Variants in NPM2 observed in about 807,000 individuals in gnomAD.
NPM2 encodes the protein nucleophosmin/nucleoplasmin 2.
Under a neutral mutation model 32.0 loss-of-function variants are expected in NPM2, and 25 were observed. The observed-to-expected ratio is 0.78, with a 90% CI of 0.57 to 1.09. NPM2 has a LOEUF of 1.09. NPM2 is among the 50% of genes least tolerant of loss of function. The probability of loss-of-function intolerance (pLI) is 0.00; values close to 1 mark genes in which losing one functional copy is unlikely to be tolerated. For synonymous variants in NPM2, 111 were observed against 94.2 expected (o/e 1.18, Z -1.04); for missense variants, 282 against 259.9 (o/e 1.08, Z -0.58).
intron 5 of NPM2, among the ~76,000 whole-genome samples, chr8:22,032,656 G>T (rs1800477041): frequency 6.6e-6 from 1 of 152,186 alleles, no homozygotes; most frequent in Non-Finnish European, 1.5e-5. Context: ...CTCTCCCTGA[G>T]TTGCAGACGG....
At chr8:22,036,297 A>G in intron 8 of NPM2, 196 bp from the exon 9 acceptor site, 1 of 547,928 alleles carries the variant, frequency 1.8e-6, no homozygotes, top group South Asian at 2.7e-5. Context: ...ATGAAGATGG[A>G]AGCCTAAGGA....
At chr8:22,025,041 C>A (rs956871647) in intron 2 of NPM2, 175 bp from the exon 3 acceptor site, 2 of 569,400 alleles carry the variant, frequency 3.5e-6, no homozygotes, top group African/African-American at 1.9e-5. Flanking sequence ...CTGCGCACCC[C>A]GCTAGGAGGT....
At chr8:22,029,649 A>G (rs1457096089) in intron 5 of NPM2, among the ~76,000 whole-genome samples, 2 of 152,172 alleles carry the variant, frequency 1.3e-5, no homozygotes, top group Non-Finnish European at 2.9e-5. Context: ...CTTTTTAGCA[A>G]CATACTTTAG....
chr8:22,032,212 T>C (rs1800464570), intron 5 of NPM2, among the ~76,000 whole-genome samples: 4 of 152,178 alleles, frequency 2.6e-5, no homozygotes, highest in Admixed American at 2.6e-4. Flanking sequence ...TCGAGAAAAT[T>C]TGGGAAGTTT....
intron 5 of NPM2, among the ~76,000 whole-genome samples, chr8:22,028,498 T>TC (rs1800331290): frequency 6.7e-6 from 1 of 150,256 alleles, no homozygotes; most frequent in Non-Finnish European, 1.5e-5. Flanking sequence ...TTTTTTTTTT[T>TC]TTGTAATTTT....
chr8:22,032,534 A>C (rs543113043), intron 5 of NPM2, among the ~76,000 whole-genome samples: 1 of 152,186 alleles, frequency 6.6e-6, no homozygotes, highest in African/African-American at 2.4e-5. Context: ...CCAAGTTGCT[A>C]TAACAAAATA....
At chr8:22,032,096 AC>A (rs1195751073) in intron 5 of NPM2, among the ~76,000 whole-genome samples, 1 of 152,210 alleles carries the variant, frequency 6.6e-6, no homozygotes, top group Non-Finnish European at 1.5e-5. Context: ...ATCAGTACTT[AC>A]ATCATGGGTT....
At chr8:22,027,228 C>T (rs1468640052) in intron 5 of NPM2, among the ~76,000 whole-genome samples, 5 of 152,176 alleles carry the variant, frequency 3.3e-5, no homozygotes, top group African/African-American at 1.2e-4. Context: ...GGAGGGTTCT[C>T]TCCTATTCCC....
intron 7 of NPM2, 111 bp from the exon 8 acceptor site, chr8:22,034,399 C>T (rs1800549329): frequency 7.3e-7 from 1 of 1,364,300 alleles, no homozygotes; most frequent in Non-Finnish European, 1.0e-6. Flanking sequence ...GCCAAGGCCA[C>T]CTCAGCTAGT....
chr8:22,029,392 C>T (rs1223921095), intron 5 of NPM2, among the ~76,000 whole-genome samples: 1 of 152,174 alleles, frequency 6.6e-6, no homozygotes, highest in Non-Finnish European at 1.5e-5. Flanking sequence ...GATCCTCCTG[C>T]CTTGGCCTCC....
Position 22,036,849 on chromosome 8 carries a change from C to T in NPM2, c.*167C>T. On this transcript the variant is annotated 3_prime_UTR_variant, in exon 10 of 10. Transcript: ENST00000518119. ...CCAACTCTCCACTTTCAGGAGGCCCCCAGTGAAGAGCCCCACCTCGGGGTC... is the reference window on the plus strand; with the variant it reads ...CCAACTCTCCACTTTCAGGAGGCCCTCAGTGAAGAGCCCCACCTCGGGGTC... 3.1e-6 allele frequency: 2 copies of T among 651,350 alleles called. No homozygotes were observed. Among genetic ancestry groups the T allele is most frequent in the Non-Finnish European group, 5.0e-6 (2 of 397,058 alleles). 40.3% of individuals were successfully genotyped at this position (651,350 alleles called of 1,614,324 possible).
At chr8:22,032,055 C>A (rs1800460090) in intron 5 of NPM2, among the ~76,000 whole-genome samples, 1 of 152,152 alleles carries the variant, frequency 6.6e-6, no homozygotes, top group African/African-American at 2.4e-5. Context: ...AAGTTATTCA[C>A]TCTAAGTCTC....
intron 5 of NPM2, among the ~76,000 whole-genome samples, chr8:22,032,133 G>C (rs994109538): frequency 2.0e-5 from 3 of 152,206 alleles, no homozygotes; most frequent in African/African-American, 7.2e-5. Context: ...ATGAGATAAA[G>C]CAGATAAAAT....
intron 3 of NPM2, 23 bp from the exon 4 acceptor site, chr8:22,025,412 CT>C: frequency 6.2e-7 from 1 of 1,611,164 alleles, no homozygotes; most frequent in South Asian, 1.1e-5. Flanking sequence ...GAGGGCCCCA[CT>C]TCCCTCCCTT....
At position 22,025,627 on chromosome 8, in the gene NPM2, C is replaced by A; in HGVS notation, c.145-20C>A. The A allele has an allele frequency of 6.2e-7, 1 of 1,614,108 alleles. No homozygotes were observed. The highest frequency in any genetic ancestry group is 8.5e-7 in the Non-Finnish European group (1 of 1,180,026). On this transcript the variant is annotated intron_variant, in intron 4 of 9. Transcript: ENST00000518119. ...CGGCCCTCAGGGTGATGAGGGGCCT[C>A]TATTTTCAACCCCGCTCAGATTTGC... is the stretch of plus-strand genomic sequence containing the variant.
chr8:22,025,674 G>A lies in NPM2; in HGVS notation c.172G>A (p.Glu58Lys), dbSNP rs1212016818. 1 of 1,614,196 alleles carries A rather than the reference G, an allele frequency of 6.2e-7. No homozygotes were observed. The highest frequency in any genetic ancestry group is 1.1e-5 in the South Asian group (1 of 91,088). Reference sequence around the variant, plus strand: ...TTGCTTGGGGGAGAAAGCCAAAGAGGAGATGCATCGCGTGGAGATCCTGCC... The same window carrying A: ...TTGCTTGGGGGAGAAAGCCAAAGAGAAGATGCATCGCGTGGAGATCCTGCC... ...TICLGEKAKEEMHRVEILPPA... is the reference protein window; with the variant it reads ...TICLGEKAKEKMHRVEILPPA... The change falls in exon 5 of 10, where the codon GAG (glutamate) becomes AAG (lysine). Residue 58 changes from glutamate to lysine, a missense_variant. By Grantham distance (56) the Glu-to-Lys change is moderately conservative (BLOSUM62 1). Transcript: ENST00000518119.
chr8:22,032,162 C>T (rs528495848), intron 5 of NPM2, among the ~76,000 whole-genome samples: 2 of 152,326 alleles, frequency 1.3e-5, no homozygotes, highest in Non-Finnish European at 2.9e-5. Context: ...GGGTGCCTGA[C>T]ACGTGGCAGA....
intron 5 of NPM2, among the ~76,000 whole-genome samples, chr8:22,031,242 C>G (rs1341772941): frequency 1.3e-5 from 2 of 152,070 alleles, no homozygotes; most frequent in Non-Finnish European, 2.9e-5. Context: ...TTAATGGTGG[C>G]TAGGGTTTTG....
rs1033579328 is a variant in NPM2, at chr8:22,036,302, T to A, written c.567-191T>A. 9.0e-6 allele frequency: 5 copies of A among 554,098 alleles called. No homozygotes were observed. The African/African-American group carries it at 9.6e-5, about 11-fold the overall frequency. 34.3% of individuals were successfully genotyped at this position (554,098 alleles called of 1,614,324 possible). A position where few individuals can be genotyped will look rare whatever the true frequency, so the allele number is the denominator to read the frequency against. ...TGATAACTAAATGAAGATGGAAGCC[T>A]AAGGAAAACACATATGCGTATGCAT... On this transcript the variant is annotated intron_variant, in intron 8 of 9. Transcript: ENST00000518119.
Sources: allele counts gnomAD v4.1 joint callset (sites outside exome capture counted in the v4.1 genomes callset), GRCh38; gene constraint gnomAD v4.1.1; transcripts MANE v1.5; gene names NCBI Gene and HGNC (gene_info 2026-07-23, HGNC 2026-07-21).